The following CADM2 variants were observed in gnomAD, a reference collection of about 807,000 sequenced individuals.
The protein encoded by CADM2 is immunoglobulin superfamily member 4D.
Under a neutral mutation model 49.8 loss-of-function variants are expected in CADM2, and 12 were observed. The observed-to-expected ratio is 0.24, with a 90% CI of 0.15 to 0.39. The LOEUF (loss-of-function observed/expected upper bound fraction) is 0.39. Ranked by LOEUF, CADM2 falls within the 10% of genes least tolerant of loss-of-function variation. The probability of loss-of-function intolerance (pLI) is 1.00; values close to 1 mark genes in which losing one functional copy is unlikely to be tolerated. For synonymous variants in CADM2, 214 were observed against 175.4 expected (o/e 1.22, Z -1.74); for missense variants, 378 against 492.3 (o/e 0.77, Z 2.20).
intron 1 of CADM2, among the ~76,000 whole-genome samples, chr3:85,579,320 C>A (rs2062727392): frequency 6.6e-6 from 1 of 152,208 alleles, no homozygotes; most frequent in African/African-American, 2.4e-5. Flanking sequence ...TACTCTAGGA[C>A]TCTTTCTTTA....
chr3:85,092,691 C>T (rs2037643129), intron 1 of CADM2, among the ~76,000 whole-genome samples: 1 of 152,118 alleles, frequency 6.6e-6, no homozygotes, highest in Non-Finnish European at 1.5e-5. Context: ...TCACCTCTTA[C>T]ACAGATTATT....
chr3:85,147,759 G>T (rs2039798200), intron 1 of CADM2, among the ~76,000 whole-genome samples: 1 of 151,984 alleles, frequency 6.6e-6, no homozygotes, highest in African/African-American at 2.4e-5. Context: ...TATTTATGTT[G>T]ATCAATTTAT....
chr3:85,579,491 T>C (rs1010219038), intron 1 of CADM2, among the ~76,000 whole-genome samples: 6 of 152,170 alleles, frequency 3.9e-5, no homozygotes, highest in South Asian at 2.1e-4. Context: ...TTGTCTAAAA[T>C]GCAGATTTAG....
chr3:85,829,337 G>C (rs7637221), intron 3 of CADM2, among the ~76,000 whole-genome samples: 106,757 of 151,586 alleles, frequency 0.7, 39,147 homozygotes, highest in African/African-American at 0.92. Context: ...TTATGTACTA[G>C]AGTGAGATAT....
intron 8 of CADM2, among the ~76,000 whole-genome samples, chr3:86,025,098 C>A (rs1733726062): frequency 6.6e-6 from 1 of 151,850 alleles, no homozygotes; most frequent in African/African-American, 2.4e-5. Context: ...CTCTGTCGCC[C>A]AGGCCAGAGT....
At chr3:85,777,216 C>G (rs984763924) in intron 2 of CADM2, among the ~76,000 whole-genome samples, 7 of 146,558 alleles carry the variant, frequency 4.8e-5, no homozygotes, top group African/African-American at 1.7e-4. Context: ...TCTACTTGTA[C>G]AGAAAACATT....
At chr3:85,691,688 C>A (rs6549052) in intron 1 of CADM2, among the ~76,000 whole-genome samples, 33,032 of 151,788 alleles carry the variant, frequency 0.22, 4,263 homozygotes, top group Non-Finnish European at 0.29. Flanking sequence ...ATGTTTATTG[C>A]GGCACTATTC....
intron 1 of CADM2, among the ~76,000 whole-genome samples, chr3:85,546,459 C>T (rs2061672064): frequency 2.0e-5 from 3 of 152,056 alleles, no homozygotes; most frequent in Admixed American, 2.0e-4. Context: ...TTTCAACTCC[C>T]CCTCTCTTGT....
At chr3:85,356,599 G>C (rs1267599378) in intron 1 of CADM2, among the ~76,000 whole-genome samples, 1 of 152,106 alleles carries the variant, frequency 6.6e-6, no homozygotes, top group African/African-American at 2.4e-5. Flanking sequence ...TAGCTCTCGA[G>C]TTATGGGAAA....
intron 1 of CADM2, among the ~76,000 whole-genome samples, chr3:85,046,180 A>G (rs1351062475): frequency 6.6e-6 from 1 of 152,074 alleles, no homozygotes; most frequent in South Asian, 2.1e-4. Context: ...TACTCATTCA[A>G]TCGGCCTCTG....
intron 8 of CADM2, among the ~76,000 whole-genome samples, chr3:86,036,245 T>C (rs1036313080): frequency 2.0e-5 from 3 of 152,184 alleles, no homozygotes; most frequent in African/African-American, 7.2e-5. Context: ...CCTTGTAATA[T>C]ACTTTGCATC....
intron 1 of CADM2, among the ~76,000 whole-genome samples, chr3:85,546,106 T>C (rs530289057): frequency 6.6e-6 from 1 of 152,326 alleles, no homozygotes; most frequent in South Asian, 2.1e-4. Context: ...TCCTAAATTT[T>C]ACTTCTTTAT....
intron 3 of CADM2, among the ~76,000 whole-genome samples, chr3:85,840,938 A>G (rs777661930): frequency 6.6e-6 from 1 of 151,888 alleles, no homozygotes; most frequent in Non-Finnish European, 1.5e-5. Context: ...AGCTGAAAGT[A>G]ACTACATATC....
chr3:85,565,496 T>C (rs2062230297), intron 1 of CADM2, among the ~76,000 whole-genome samples: 1 of 152,092 alleles, frequency 6.6e-6, no homozygotes, highest in African/African-American at 2.4e-5. Flanking sequence ...TAAAACCATC[T>C]TTAGAGCATA....
At chr3:85,710,566 C>G (rs2067089226) in intron 1 of CADM2, among the ~76,000 whole-genome samples, 1 of 152,026 alleles carries the variant, frequency 6.6e-6, no homozygotes, top group African/African-American at 2.4e-5. Flanking sequence ...AGAGGTATAA[C>G]TTCGAAATTG....
intron 1 of CADM2, among the ~76,000 whole-genome samples, chr3:85,654,645 G>A (rs9842249): frequency 0.38 from 58,371 of 151,998 alleles, 12,309 homozygotes; most frequent in East Asian, 0.54. Context: ...CTGTATAGGA[G>A]TAACAACCCA....
chr3:85,124,702 C>T (rs925310927), intron 1 of CADM2, among the ~76,000 whole-genome samples: 8 of 152,154 alleles, frequency 5.3e-5, no homozygotes, highest in Non-Finnish European at 8.8e-5. Flanking sequence ...AGCTAAGGAA[C>T]ATTATAGCTT....
intron 1 of CADM2, among the ~76,000 whole-genome samples, chr3:85,653,435 G>A (rs1272260976): frequency 6.6e-6 from 1 of 150,954 alleles, no homozygotes; most frequent in Admixed American, 6.6e-5. Flanking sequence ...TAATAGCTTG[G>A]TTGTTGTATG....
chr3:85,874,445 T>C (rs1356669178), intron 3 of CADM2, among the ~76,000 whole-genome samples: 1 of 152,214 alleles, frequency 6.6e-6, no homozygotes, highest in Non-Finnish European at 1.5e-5. Context: ...CATAATAGCA[T>C]GACATATAAT....
Sources: gnomAD v4.1 joint callset for allele counts (sites outside exome capture counted in the v4.1 genomes callset) on GRCh38, gnomAD v4.1.1 for gene constraint, MANE v1.5 for transcripts, NCBI Gene and HGNC (gene_info 2026-07-23, HGNC 2026-07-21) for gene names.